The following KCND3 variants were observed in gnomAD, a reference collection of about 807,000 sequenced individuals.
KCND3 encodes A-type voltage-gated potassium channel KCND3.
A neutral mutation model predicts 51.1 loss-of-function variants in KCND3; 9 were observed. The observed-to-expected ratio is 0.18, with a 90% CI of 0.11 to 0.31. KCND3 has a LOEUF of 0.31. KCND3 is among the 10% of genes least tolerant of loss of function. The probability of loss-of-function intolerance (pLI) is 1.00; values close to 1 mark genes in which losing one functional copy is unlikely to be tolerated. For synonymous variants in KCND3, 349 were observed against 368.0 expected, an observed-to-expected ratio of 0.95 and a Z score of 0.59; for missense variants, 526 against 903.8, an observed-to-expected ratio of 0.58 and a Z score of 5.36.
At chr1:111,797,301 C>T (rs532096657) in intron 2 of KCND3, among the ~76,000 whole-genome samples, 19 of 152,274 alleles carry the variant, frequency 1.2e-4, no homozygotes, top group Admixed American at 1.2e-3. Context: ...ACCAGTCATG[C>T]GTACATGAGG....
intron 2 of KCND3, among the ~76,000 whole-genome samples, chr1:111,896,239 G>A (rs1039644623): frequency 2.6e-5 from 4 of 152,200 alleles, no homozygotes; most frequent in Non-Finnish European, 5.9e-5. Flanking sequence ...GTCCACGGAC[G>A]GCATGACGTG....
In KCND3 at chr1:111,787,201, A is replaced by G; in HGVS notation, c.1107-95T>C. On this transcript the variant is annotated intron_variant, in intron 2 of 7. Transcript: ENST00000302127. ...CAATCATTCACCTGTTTATTCATTC[A>G]TTCATTCAGCAATTGCTTAGAGTAT... 3 of 1,307,612 alleles carry G rather than the reference A, an allele frequency of 2.3e-6. No individual in the cohort carries two copies. The South Asian group carries it at 3.7e-5, about 16-fold the overall frequency. 81.0% of individuals were successfully genotyped at this position (1,307,612 alleles called of 1,614,324 possible).
intron 2 of KCND3, among the ~76,000 whole-genome samples, chr1:111,866,512 G>A (rs1329278102): frequency 6.6e-6 from 1 of 150,804 alleles, no homozygotes; most frequent in Non-Finnish European, 1.5e-5. Flanking sequence ...CAATCTACCT[G>A]CCTTGGCCTC....
intron 2 of KCND3, among the ~76,000 whole-genome samples, chr1:111,965,438 C>CCCCACACACACACACA (rs1553184422): frequency 1.4e-5 from 1 of 72,420 alleles, no homozygotes; most frequent in East Asian, 5.8e-4. Context: ...GCCAGCAAAA[C>CCCCACACACACACACA]CACACACACA....
intron 5 of KCND3, among the ~76,000 whole-genome samples, chr1:111,779,427 A>G (rs1293606858): frequency 6.6e-6 from 1 of 152,164 alleles, no homozygotes; most frequent in Non-Finnish European, 1.5e-5. Context: ...AGCCCTGACT[A>G]TAGACTCTTT....
At chr1:111,984,152 G>A (rs1675130111) in intron 1 of KCND3, among the ~76,000 whole-genome samples, 1 of 152,204 alleles carries the variant, frequency 6.6e-6, no homozygotes, top group African/African-American at 2.4e-5. Context: ...AGGAAGAGGT[G>A]AGTCTTGGAA....
At chr1:111,897,283 C>T (rs1571816979) in intron 2 of KCND3, among the ~76,000 whole-genome samples, 1 of 152,244 alleles carries the variant, frequency 6.6e-6, no homozygotes, top group East Asian at 1.9e-4. Flanking sequence ...TCCTCACAGC[C>T]TAGAGAAGGG....
chr1:111,868,462 A>G (rs1383346785), intron 2 of KCND3, among the ~76,000 whole-genome samples: 2 of 152,216 alleles, frequency 1.3e-5, no homozygotes, highest in African/African-American at 4.8e-5. Context: ...ATAGGTATGT[A>G]TGCATAGGAA....
chr1:111,884,827 T>G (rs1669496660), intron 2 of KCND3, among the ~76,000 whole-genome samples: 1 of 152,216 alleles, frequency 6.6e-6, no homozygotes, highest in Non-Finnish European at 1.5e-5. Context: ...TAAAAAAATT[T>G]TTTGGTAAGG....
At chr1:111,792,476 G>A (rs1664878473) in intron 2 of KCND3, among the ~76,000 whole-genome samples, 1 of 152,216 alleles carries the variant, frequency 6.6e-6, no homozygotes, top group South Asian at 2.1e-4. Context: ...GAGGATGGCT[G>A]TGGAAAAGGG....
chr1:111,951,763 G>T (rs1673075012), intron 2 of KCND3, among the ~76,000 whole-genome samples: 1 of 152,194 alleles, frequency 6.6e-6, no homozygotes. Flanking sequence ...GTTGGAGTTT[G>T]GCTATTTTAG....
chr1:111,955,160 C>T (rs935054781), intron 2 of KCND3, among the ~76,000 whole-genome samples: 15 of 152,216 alleles, frequency 9.9e-5, no homozygotes, highest in African/African-American at 3.6e-4. Context: ...TGTAATCTCA[C>T]CACTTTGGGA....
intron 1 of KCND3, among the ~76,000 whole-genome samples, chr1:111,985,577 T>C (rs148231171): frequency 2.6e-4 from 40 of 152,326 alleles, no homozygotes; most frequent in African/African-American, 9.4e-4. Context: ...CCATTTTTTT[T>C]CCCATCAACT....
chr1:111,891,970 GTGTGTGTGTC>G (rs373327180), intron 2 of KCND3, among the ~76,000 whole-genome samples: 2,831 of 119,862 alleles, frequency 0.024, 76 homozygotes, highest in African/African-American at 0.074. Flanking sequence ...GTGTGTGTCT[GTGTGTGTGTC>G]TGTGTGTGTG....
chr1:111,962,042 C>T (rs927914133), intron 2 of KCND3, among the ~76,000 whole-genome samples: 3 of 152,186 alleles, frequency 2.0e-5, no homozygotes, highest in Admixed American at 6.5e-5. Flanking sequence ...CTGGCCATTG[C>T]CACCCAAGCA....
intron 2 of KCND3, among the ~76,000 whole-genome samples, chr1:111,929,170 C>T (rs1449649987): frequency 2.0e-5 from 3 of 152,232 alleles, no homozygotes; most frequent in Non-Finnish European, 4.4e-5. Flanking sequence ...CCAGCCCACG[C>T]CCAGACCTTG....
At chr1:111,819,208 A>G (rs146499602) in intron 2 of KCND3, among the ~76,000 whole-genome samples, 256 of 152,218 alleles carry the variant, frequency 1.7e-3, no homozygotes, top group African/African-American at 5.6e-3. Flanking sequence ...TGCAGGGGGA[A>G]GAGGCCTCTC....
chr1:111,844,488 C>T (rs946359545), intron 2 of KCND3, among the ~76,000 whole-genome samples: 11 of 152,172 alleles, frequency 7.2e-5, no homozygotes, highest in African/African-American at 2.4e-4. Context: ...TACTCTGAGC[C>T]CTGCCATCAT....
At chr1:111,793,656 C>G (rs367932578) in intron 2 of KCND3, among the ~76,000 whole-genome samples, 1 of 152,124 alleles carries the variant, frequency 6.6e-6, no homozygotes, top group African/African-American at 2.4e-5. Context: ...GTGTAATGAC[C>G]GTGGTGTGCA....
Sources: allele counts gnomAD v4.1 joint callset (sites outside exome capture counted in the v4.1 genomes callset), GRCh38; gene constraint gnomAD v4.1.1; transcripts MANE v1.5; gene names NCBI Gene and HGNC (gene_info 2026-07-23, HGNC 2026-07-21).